Variants in ADAMTSL1 observed in about 807,000 individuals in gnomAD.
The protein encoded by ADAMTSL1 is ADAMTS-like protein 1.
Under a neutral mutation model 201.8 loss-of-function variants are expected in ADAMTSL1, and 126 were observed. The observed-to-expected ratio is 0.62, with a 90% CI of 0.54 to 0.72. ADAMTSL1 has a LOEUF of 0.72. Among genes scored for constraint, ADAMTSL1 ranks in the 30% least tolerant of loss-of-function variants. The pLI is 0.00. For missense variants in ADAMTSL1, 2,679 were observed against 2,277.8 expected, an observed-to-expected ratio of 1.18 and a Z score of -3.59; for synonymous variants, 1,121 against 903.4, an observed-to-expected ratio of 1.24 and a Z score of -4.32.
At position 18,908,504 on chromosome 9, in the gene ADAMTSL1, A is replaced by G. The variant is rs1374170190; in HGVS notation, c.5245A>G (p.Ser1749Gly). 4 of 1,563,998 alleles carry G rather than the reference A, an allele frequency of 2.6e-6. No homozygotes were observed. Among genetic ancestry groups the G allele is most frequent in the Non-Finnish European group, 3.5e-6 (4 of 1,154,260 alleles). ...GAAACAGCTGAAACTCTGCCAACTCAGCCAGTTTAAATCTCGCTGCTGTGG... is the reference window on the plus strand; with the variant it reads ...GAAACAGCTGAAACTCTGCCAACTCGGCCAGTTTAAATCTCGCTGCTGTGG... ...KVKQLKLCQL[S>G]QFKSRCCGTC... The change falls in exon 29 of 29, where the codon AGC becomes GGC. Residue 1749 changes from serine (S) to glycine (G), a missense_variant. By Grantham distance (56) the Ser-to-Gly change is moderately conservative. Transcript: ENST00000380548.
At chr9:18,022,075 T>G (rs1447271239) in intron 1 of ADAMTSL1, among the ~76,000 whole-genome samples, 7 of 152,130 alleles carry the variant, frequency 4.6e-5, no homozygotes, top group Non-Finnish European at 1.0e-4. Flanking sequence ...ATTTTTTTCT[T>G]GTTTTGCTCT....
At chr9:18,246,434 G>A (rs1454025712) in intron 2 of ADAMTSL1, among the ~76,000 whole-genome samples, 5 of 151,840 alleles carry the variant, frequency 3.3e-5, no homozygotes, top group Non-Finnish European at 5.9e-5. Flanking sequence ...CTGGTCTAAG[G>A]GTACTTAAAG....
At chr9:18,068,077 C>G (rs901860815) in intron 1 of ADAMTSL1, among the ~76,000 whole-genome samples, 2 of 152,148 alleles carry the variant, frequency 1.3e-5, no homozygotes, top group African/African-American at 4.8e-5. Context: ...GTGGTTTGGT[C>G]TGGTCCTGCC....
intron 2 of ADAMTSL1, among the ~76,000 whole-genome samples, chr9:18,195,029 A>G (rs1303822227): frequency 6.6e-6 from 1 of 152,156 alleles, no homozygotes; most frequent in Admixed American, 6.6e-5. Flanking sequence ...GTTTCATAAT[A>G]GTTCCTATAA....
At chr9:18,780,909 T>C (rs1821352629) in intron 19 of ADAMTSL1, among the ~76,000 whole-genome samples, 2 of 152,234 alleles carry the variant, frequency 1.3e-5, no homozygotes, top group South Asian at 4.1e-4. Context: ...TTTTACTCTT[T>C]TAAGCATTCC....
At chr9:18,331,662 A>C (rs1480558446) in intron 2 of ADAMTSL1, among the ~76,000 whole-genome samples, 1 of 151,996 alleles carries the variant, frequency 6.6e-6, no homozygotes, top group Admixed American at 6.6e-5. Flanking sequence ...AAACAAAAAC[A>C]ATTTGCCACA....
intron 14 of ADAMTSL1, among the ~76,000 whole-genome samples, chr9:18,719,289 A>T (rs1213999509): frequency 6.6e-6 from 1 of 152,210 alleles, no homozygotes; most frequent in Non-Finnish European, 1.5e-5. Flanking sequence ...AAAAAAGAAA[A>T]TGTAAAGATA....
chr9:17,933,116 A>T (rs551587732), intron 1 of ADAMTSL1, among the ~76,000 whole-genome samples: 2 of 152,218 alleles, frequency 1.3e-5, no homozygotes, highest in South Asian at 2.1e-4. Flanking sequence ...AGAAAAAATT[A>T]TTTTCAGAAA....
At chr9:18,406,603 T>G (rs1400211032) in intron 2 of ADAMTSL1, among the ~76,000 whole-genome samples, 1 of 152,152 alleles carries the variant, frequency 6.6e-6, no homozygotes, top group African/African-American at 2.4e-5. Flanking sequence ...AATTCTAGGA[T>G]TACAGGCGTG....
At chr9:18,378,737 C>A (rs1371516160) in intron 2 of ADAMTSL1, among the ~76,000 whole-genome samples, 1 of 152,106 alleles carries the variant, frequency 6.6e-6, no homozygotes, top group East Asian at 1.9e-4. Context: ...TCTCTTTTTT[C>A]TTTCATTCCT....
In ADAMTSL1 at chr9:18,248,015, C is replaced by T. The variant is rs368515975; in HGVS notation, c.207+84034C>T. Among the ~76,000 whole-genome samples, 12 of 152,204 alleles carry T rather than the reference C, an allele frequency of 7.9e-5. No homozygotes were observed. In the South Asian group the frequency reaches 2.5e-3, roughly 32 times the overall value. ...GGGAAGACATTCCAAAGTTGCTTTC[C>T]TTATCTGTGGTTCATTCAAAAGGTT... is the stretch of plus-strand genomic sequence containing the variant. On this transcript the variant is annotated intron_variant, in intron 2 of 29. Coordinates refer to the ADAMTSL1 transcript ENST00000680146.
chr9:18,842,061 ATT>A, intron 23 of ADAMTSL1, among the ~76,000 whole-genome samples: 1 of 150,428 alleles, frequency 6.6e-6, no homozygotes, highest in East Asian at 2.0e-4. Context: ...GATTTTAGTT[ATT>A]TCTTGCCTTC....
intron 3 of ADAMTSL1, among the ~76,000 whole-genome samples, chr9:18,560,669 CT>C (rs1451706774): frequency 6.6e-6 from 1 of 151,650 alleles, no homozygotes; most frequent in Non-Finnish European, 1.5e-5. Flanking sequence ...CTATTAATTA[CT>C]GCCTTAATTT....
intron 1 of ADAMTSL1, among the ~76,000 whole-genome samples, chr9:18,029,410 A>G (rs894197444): frequency 1.3e-5 from 2 of 152,224 alleles, no homozygotes; most frequent in African/African-American, 4.8e-5. Context: ...AATGGATTAA[A>G]GACTTACATG....
chr9:18,209,024 C>T (rs1385204808), intron 2 of ADAMTSL1, among the ~76,000 whole-genome samples: 1 of 152,008 alleles, frequency 6.6e-6, no homozygotes, highest in East Asian at 1.9e-4. Context: ...TTGTGACATG[C>T]TATATAAAGG....
At chr9:18,044,399 C>T (rs532574329) in intron 1 of ADAMTSL1, among the ~76,000 whole-genome samples, 1 of 152,030 alleles carries the variant, frequency 6.6e-6, no homozygotes, top group Admixed American at 6.5e-5. Flanking sequence ...TATGAGTGGA[C>T]CATGTGGTGG....
chr9:18,225,710 A>C (rs1331857804), intron 2 of ADAMTSL1, among the ~76,000 whole-genome samples: 1 of 152,146 alleles, frequency 6.6e-6, no homozygotes, highest in African/African-American at 2.4e-5. Context: ...ATTTTTAATA[A>C]TGCTGAGGAT....
intron 16 of ADAMTSL1, among the ~76,000 whole-genome samples, chr9:18,763,280 A>G (rs1820176357): frequency 6.6e-6 from 1 of 152,084 alleles, no homozygotes; most frequent in South Asian, 2.1e-4. Context: ...ACCTTTTCAT[A>G]TACCTGTTTG....
intron 1 of ADAMTSL1, among the ~76,000 whole-genome samples, chr9:18,051,686 T>G (rs556311697): frequency 5.3e-5 from 8 of 152,232 alleles, no homozygotes; most frequent in Non-Finnish European, 7.4e-5. Context: ...ATGGCACAAA[T>G]GAAACAGATA....
Sources: gnomAD v4.1 joint callset for allele counts (sites outside exome capture counted in the v4.1 genomes callset) on GRCh38, gnomAD v4.1.1 for gene constraint, MANE v1.5 for transcripts, NCBI Gene and HGNC (gene_info 2026-07-23, HGNC 2026-07-21) for gene names.